Variants in CCNB1 observed in about 807,000 individuals in gnomAD.
CCNB1 encodes the protein G2/mitotic-specific cyclin-B1.
CCNB1 carries 26 observed loss-of-function variants against 44.4 expected under a neutral mutation model. That is an observed-to-expected ratio of 0.59 (90% CI 0.43 to 0.81). The LOEUF is 0.81. Ranked by LOEUF, CCNB1 falls within the 40% of genes least tolerant of loss-of-function variation. The probability of loss-of-function intolerance (pLI) is 0.00; values close to 1 mark genes in which losing one functional copy is unlikely to be tolerated. For synonymous variants in CCNB1, 195 were observed against 181.4 expected (o/e 1.08, Z -0.60); for missense variants, 477 against 520.9 (o/e 0.92, Z 0.82).
Position 69,175,434 on chromosome 5 carries a change from T to C in CCNB1, c.980T>C (p.Met327Thr), listed in dbSNP as rs144115364. 2.9e-5 allele frequency: 47 copies of C among 1,614,030 alleles called. No homozygotes were observed. The African/African-American group carries it at 5.9e-4, about 20-fold the overall frequency. The stretch of plus-strand genomic sequence containing the variant: ...CAACATACTTTGGCCAAATACCTGA[T>C]GGAACTAACTATGTTGGACTATGAC... ...VEQHTLAKYL[M>T]ELTMLDYDMV... Residue 327 changes from methionine to threonine, a missense_variant, in exon 7 of 9, where the codon ATG becomes ACG. By Grantham distance (81) the Met-to-Thr change is moderately conservative. Coordinates refer to ENST00000256442, the MANE Select transcript of CCNB1 (RefSeq NM_031966.4).
chr5:69,172,406 ACC>A (rs1747484211), intron 4 of CCNB1, among the ~76,000 whole-genome samples: 1 of 152,016 alleles, frequency 6.6e-6, no homozygotes, highest in Non-Finnish European at 1.5e-5. Context: ...ACAGGTGCCC[ACC>A]ACAACACCCA....
At chr5:69,175,224 G>C (rs1747557900) in intron 6 of CCNB1, 111 bp downstream of exon 6, 1 of 1,022,226 alleles carries the variant, frequency 9.8e-7, no homozygotes, top group Non-Finnish European at 1.5e-6. Flanking sequence ...ACATGGGGAA[G>C]GGATAAAGTT....
chr5:69,171,457 GTATT>G lies in CCNB1; in HGVS notation c.546+6_546+9del. 6.4e-7 allele frequency: 1 copy of G among 1,574,536 alleles called. No individual in the cohort carries two copies. Among genetic ancestry groups the G allele is most frequent in the Non-Finnish European group, 8.6e-7 (1 of 1,161,672 alleles). On this transcript the variant is annotated splice_donor_region_variant and intron_variant, in intron 4 of 8. Transcript: ENST00000256442. ...GCTTATCTGAGACAACTTGAGGTAA[GTATT>G]ATCATTCGTTTTTTTTCTAAACTGC...
intron 1 of CCNB1, chr5:69,167,628 T>C: frequency 2.0e-6 from 1 of 507,914 alleles, no homozygotes; most frequent in Non-Finnish European, 3.5e-6. Flanking sequence ...AGAAGGTGTC[T>C]GCAATTGGAG....
chr5:69,177,857 G>T lies in CCNB1; in HGVS notation c.*226G>T, dbSNP rs947231460. 6 of 452,652 alleles carry T rather than the reference G, an allele frequency of 1.3e-5. No individual in the cohort carries two copies. Among genetic ancestry groups the T allele is most frequent in the Non-Finnish European group, 2.4e-5 (6 of 254,688 alleles). 28.0% of individuals were successfully genotyped at this position (452,652 alleles called of 1,614,324 possible). On this transcript the variant is annotated 3_prime_UTR_variant, in exon 9 of 9. Transcript: ENST00000256442. ...AAAAACTCCTTTTGGTTTACCTGGGGATCCAATTGATGTATATGTTTATAT... is the reference window on the plus strand; with the variant it reads ...AAAAACTCCTTTTGGTTTACCTGGGTATCCAATTGATGTATATGTTTATAT...
intron 1 of CCNB1, 30 bp from the exon 2 acceptor site, chr5:69,167,878 C>T (rs1000750363): frequency 6.4e-7 from 1 of 1,571,820 alleles, no homozygotes; most frequent in South Asian, 1.2e-5. Context: ...CTTCGTGGAT[C>T]AGCTCTTAAA....
At chr5:69,174,850 T>A (rs765341519) in intron 5 of CCNB1, 27 bp from the exon 6 acceptor site, 1 of 1,557,634 alleles carries the variant, frequency 6.4e-7, no homozygotes, top group East Asian at 2.2e-5. Flanking sequence ...AAACATTTTA[T>A]TCACCCTATT....
chr5:69,173,903 G>A (rs1443816778), intron 4 of CCNB1, among the ~76,000 whole-genome samples: 1 of 152,016 alleles, frequency 6.6e-6, no homozygotes, highest in Non-Finnish European at 1.5e-5. Context: ...CCAAGTAGCT[G>A]GAACTACAGG....
At position 69,175,004 on chromosome 5, in the gene CCNB1, C is replaced by T; in HGVS notation, c.833C>T (p.Thr278Ile). The change falls in exon 6 of 9, where the codon ACT (threonine) becomes ATT (isoleucine). Residue 278 changes from threonine (T) to isoleucine (I), a missense_variant. Coordinates refer to ENST00000256442, the MANE Select transcript of CCNB1 (RefSeq NM_031966.4). ...GCTTTTGTGACTGACAACACTTATACTAAGCACCAAATCAGACAGATGGAA... is the reference window on the plus strand; with the variant it reads ...GCTTTTGTGACTGACAACACTTATATTAAGCACCAAATCAGACAGATGGAA... The part of the protein sequence containing the change: ...DFAFVTDNTY[T>I]KHQIRQMEMK... 1 of 1,614,132 alleles carries T rather than the reference C, an allele frequency of 6.2e-7. No individual in the cohort carries two copies. The highest frequency in any genetic ancestry group is 8.5e-7 in the Non-Finnish European group (1 of 1,179,964).
chr5:69,173,062 C>T (rs1404336109), intron 4 of CCNB1, among the ~76,000 whole-genome samples: 1 of 152,050 alleles, frequency 6.6e-6, no homozygotes, highest in African/African-American at 2.4e-5. Context: ...TGTGAGCCAC[C>T]GCGCCCAGCC....
chr5:69,174,521 G>T, intron 5 of CCNB1, 112 bp downstream of exon 5: 4 of 981,518 alleles, frequency 4.1e-6, no homozygotes, highest in Non-Finnish European at 6.1e-6. Context: ...CCCAGCGGGC[G>T]GGTGGATCAC....
Position 69,174,423 on chromosome 5 carries a change from T to G in CCNB1, c.705+14T>G. On this transcript the variant is annotated intron_variant, in intron 5 of 8. Coordinates refer to ENST00000256442, the MANE Select transcript of CCNB1 (RefSeq NM_031966.4). ...CGGTTCATGCAGGTGAGCATTTCAG[T>G]AAGAGTTTTCCCTTCCAGGATTCTA... 1 of 1,612,132 alleles carries G rather than the reference T, an allele frequency of 6.2e-7. No homozygotes were observed.
chr5:69,177,547 A>G lies in CCNB1; in HGVS notation c.1218A>G (p.Thr406=), dbSNP rs772117041. 2.0e-5 allele frequency: 32 copies of G among 1,612,726 alleles called. No individual in the cohort carries two copies. The highest frequency in any genetic ancestry group is 4.4e-5 in the South Asian group (4 of 90,926). ...AGACTGTCAAGAACAAGTATGCCAC[A>G]TCGAAGCATGCTAAGATCAGCACTC... ...KHMTVKNKYA[T]SKHAKISTLP... Residue 406 remains threonine (T), a synonymous_variant, in exon 9 of 9, where the codon ACA becomes ACG. Transcript: ENST00000256442.
At position 69,169,749 on chromosome 5, in the gene CCNB1, T is replaced by G. The variant is rs115564734; in HGVS notation, c.363+1406T>G. Among the ~76,000 whole-genome samples the G allele has an allele frequency of 4.7e-3, 708 of 152,162 alleles. 2 individuals carry two copies. Among genetic ancestry groups the G allele is most frequent in the Non-Finnish European group, 7.5e-3 (510 of 68,004 alleles). On this transcript the variant is annotated intron_variant, in intron 3 of 8. Coordinates refer to ENST00000256442, the MANE Select transcript of CCNB1 (RefSeq NM_031966.4). Reference sequence around the variant, plus strand: ...CTCACCACAACCTCTGCCTCCCGAGTTCAGTGATTCTCCTGCTTCAGCCTC... The same window carrying G: ...CTCACCACAACCTCTGCCTCCCGAGGTCAGTGATTCTCCTGCTTCAGCCTC...
intron 4 of CCNB1, among the ~76,000 whole-genome samples, chr5:69,173,804 CTG>C (rs1747517268): frequency 2.6e-5 from 4 of 151,808 alleles, no homozygotes; most frequent in Admixed American, 2.6e-4. Flanking sequence ...CAGTCTCACT[CTG>C]TCACCCAGGC....
chr5:69,175,668 A>C (rs887692212), intron 7 of CCNB1, 131 bp downstream of exon 7: 4 of 859,250 alleles, frequency 4.7e-6, no homozygotes, highest in Non-Finnish European at 7.1e-6. Flanking sequence ...GTTAAAAAAG[A>C]TGTCTTAGAA....
chr5:69,175,443 C>G lies in CCNB1; in HGVS notation c.989C>G (p.Thr330Ser). The change falls in exon 7 of 9, where the codon ACT (threonine) becomes AGT (serine). Residue 330 changes from threonine (T) to serine (S), a missense_variant. Thr to Ser is a moderately conservative substitution (Grantham distance 58). Coordinates refer to ENST00000256442, the MANE Select transcript of CCNB1 (RefSeq NM_031966.4). ...TTGGCCAAATACCTGATGGAACTAA[C>G]TATGTTGGACTATGACATGGTGCAC... is the stretch of plus-strand genomic sequence containing the variant. Reference protein sequence around the residue: ...HTLAKYLMELTMLDYDMVHFP... With the variant: ...HTLAKYLMELSMLDYDMVHFP... 1 of 1,613,808 alleles carries G rather than the reference C, an allele frequency of 6.2e-7. No homozygotes were observed. Among genetic ancestry groups the G allele is most frequent in the Non-Finnish European group, 8.5e-7 (1 of 1,179,742 alleles).
In CCNB1 at chr5:69,175,460, A is replaced by T. The variant is rs780265175; in HGVS notation, c.1006A>T (p.Met336Leu). The change falls in exon 7 of 9, where the codon ATG becomes TTG. Residue 336 changes from methionine (M) to leucine (L), a missense_variant. By Grantham distance (15) the Met-to-Leu change is conservative. Transcript: ENST00000256442. ...GGAACTAACTATGTTGGACTATGACATGGTGCACTTTCCTCCTTCTCAAAT... is the reference window on the plus strand; with the variant it reads ...GGAACTAACTATGTTGGACTATGACTTGGTGCACTTTCCTCCTTCTCAAAT... ...LMELTMLDYD[M>L]VHFPPSQIAA... 4 of 1,614,104 alleles carry T rather than the reference A, an allele frequency of 2.5e-6. No homozygotes were observed. The highest frequency in any genetic ancestry group is 1.7e-5 in the Admixed American group (1 of 60,016).
At chr5:69,169,228 G>A (rs958210121) in intron 3 of CCNB1, among the ~76,000 whole-genome samples, 2 of 152,002 alleles carry the variant, frequency 1.3e-5, no homozygotes, top group African/African-American at 4.8e-5. Flanking sequence ...ACGCCACCAC[G>A]CCCAGCTAAT....
Sources: allele counts gnomAD v4.1 joint callset (sites outside exome capture counted in the v4.1 genomes callset), GRCh38; gene constraint gnomAD v4.1.1; transcripts MANE v1.5; gene names NCBI Gene and HGNC (gene_info 2026-07-23, HGNC 2026-07-21).